SEMA6D: variants seen among roughly 807,000 people sequenced by gnomAD.
The protein encoded by SEMA6D is semaphorin-6D.
A neutral mutation model predicts 106.6 loss-of-function variants in SEMA6D; 35 were observed. The observed-to-expected ratio is 0.33, with a 90% CI of 0.25 to 0.44. The LOEUF (loss-of-function observed/expected upper bound fraction) is 0.44, where lower values mean the gene tolerates loss of function less well. Among genes scored for constraint, SEMA6D ranks in the 20% least tolerant of loss-of-function variants. SEMA6D has a pLI of 1.00. For missense variants in SEMA6D, 1,185 were observed against 1,345.9 expected (o/e 0.88, Z 1.87); for synonymous variants, 499 against 487.7 (o/e 1.02, Z -0.31).
At chr15:47,498,231 A>G (rs752051487) in intron 3 of SEMA6D, among the ~76,000 whole-genome samples, 14 of 152,240 alleles carry the variant, frequency 9.2e-5, no homozygotes, top group Non-Finnish European at 1.8e-4. Context: ...GGATTTCCAC[A>G]ATGTGGTTAT....
At chr15:47,584,339 C>T (rs950780159) in intron 3 of SEMA6D, among the ~76,000 whole-genome samples, 2 of 151,926 alleles carry the variant, frequency 1.3e-5, no homozygotes, top group African/African-American at 4.8e-5. Context: ...AGGATAATCG[C>T]CTGAACCCAG....
chr15:47,191,620 T>G (rs1204868512), intron 1 of SEMA6D, among the ~76,000 whole-genome samples: 1 of 152,072 alleles, frequency 6.6e-6, no homozygotes, highest in Non-Finnish European at 1.5e-5. Context: ...AAATGACTAT[T>G]AAAAAGAAAT....
rs547323317 is a variant in SEMA6D, at chr15:47,759,898, G to A, written c.100G>A (p.Asp34Asn). The A allele has an allele frequency of 8.7e-6, 14 of 1,608,804 alleles. No homozygotes were observed. The South Asian group carries it at 1.1e-4, about 13-fold the overall frequency. ...AGATGATGAACCCCTTAATACTGTC[G>A]ACTATCACTGTAAGTCGTCTCAAGA... ...PEDDEPLNTV[D>N]YHYSRQYPVF... Residue 34 changes from aspartate (D) to asparagine (N), a missense_variant, in exon 2 of 19, where the codon GAC becomes AAC. Asp to Asn is a conservative substitution (Grantham distance 23, BLOSUM62 1). Coordinates refer to ENST00000536845, the MANE Select transcript of SEMA6D (RefSeq NM_001358351.3).
chr15:47,766,271 A>T, intron 15 of SEMA6D, 89 bp downstream of exon 15: 9 of 1,163,490 alleles, frequency 7.7e-6, no homozygotes, highest in South Asian at 7.4e-5. Context: ...CAATTATACT[A>T]CTTTTCTTTT....
intron 1 of SEMA6D, among the ~76,000 whole-genome samples, chr15:47,252,024 C>T (rs56149689): frequency 0.019 from 2,741 of 144,760 alleles, 34 homozygotes; most frequent in Middle Eastern, 0.049. Context: ...CACGCCATTC[C>T]CCTGCCTCAG....
intron 1 of SEMA6D, among the ~76,000 whole-genome samples, chr15:47,282,360 T>A (rs2035164708): frequency 6.6e-6 from 1 of 152,158 alleles, no homozygotes; most frequent in Admixed American, 6.6e-5. Flanking sequence ...ACATTAGGCT[T>A]GTGATATTAA....
At chr15:47,555,091 A>T (rs1206120739) in intron 3 of SEMA6D, among the ~76,000 whole-genome samples, 3 of 152,180 alleles carry the variant, frequency 2.0e-5, no homozygotes, top group Non-Finnish European at 1.5e-5. Context: ...TACCAATCAT[A>T]TGCGTACAAC....
intron 1 of SEMA6D, among the ~76,000 whole-genome samples, chr15:47,365,180 T>C (rs2038967014): frequency 6.6e-6 from 1 of 152,220 alleles, no homozygotes; most frequent in Non-Finnish European, 1.5e-5. Context: ...CTGCTGATCA[T>C]CAGGCCTTAA....
intron 1 of SEMA6D, among the ~76,000 whole-genome samples, chr15:47,234,358 CA>C (rs2032406396): frequency 6.6e-6 from 1 of 151,894 alleles, no homozygotes; most frequent in Non-Finnish European, 1.5e-5. Context: ...TGTATTATTT[CA>C]GTAGCTTTTG....
chr15:47,708,527 AT>A (rs2078956846), intron 4 of SEMA6D, among the ~76,000 whole-genome samples: 2 of 152,128 alleles, frequency 1.3e-5, no homozygotes, highest in South Asian at 4.1e-4. Flanking sequence ...TGGATTTAGT[AT>A]TTACAGTATT....
rs570107091 is a variant in SEMA6D at position 47,530,143 on chromosome 15, C to A, written c.-87+59598C>A. Among the ~76,000 whole-genome samples, 32 of 152,342 alleles carry A rather than the reference C, an allele frequency of 2.1e-4. No individual in the cohort carries two copies. The South Asian group carries it at 6.4e-3, about 31-fold the overall frequency. On this transcript the variant is annotated intron_variant, in intron 3 of 19. Coordinates refer to the SEMA6D transcript ENST00000558014. ...GAAGATGCTCTTTTGATGATCCTCT[C>A]AGGCCCCGACTCACATGGCAGAACA...
intron 1 of SEMA6D, among the ~76,000 whole-genome samples, chr15:47,324,701 A>G (rs2037055755): frequency 6.6e-6 from 1 of 150,566 alleles, no homozygotes; most frequent in Non-Finnish European, 1.5e-5. Context: ...TATTTATACT[A>G]TCTACATATA....
intron 1 of SEMA6D, among the ~76,000 whole-genome samples, chr15:47,379,644 T>C (rs984338191): frequency 6.6e-6 from 1 of 152,220 alleles, no homozygotes; most frequent in African/African-American, 2.4e-5. Flanking sequence ...TTAAATAGGA[T>C]TTTGAAAAAC....
At chr15:47,522,704 G>A (rs2044627171) in intron 3 of SEMA6D, among the ~76,000 whole-genome samples, 1 of 152,208 alleles carries the variant, frequency 6.6e-6, no homozygotes, top group Non-Finnish European at 1.5e-5. Flanking sequence ...TGGCCTTTGT[G>A]TGGTCTCTTT....
chr15:47,415,032 T>C (rs1175103555), intron 2 of SEMA6D, among the ~76,000 whole-genome samples: 2 of 152,190 alleles, frequency 1.3e-5, no homozygotes, highest in African/African-American at 4.8e-5. Context: ...TTTTGGGACT[T>C]CAAATCACTA....
At chr15:47,746,980 G>GTATATATATA (rs752559574) in intron 1 of SEMA6D, among the ~76,000 whole-genome samples, 2,387 of 116,552 alleles carry the variant, frequency 0.02, 39 homozygotes, top group Non-Finnish European at 0.026. Context: ...CTGTGTGTGT[G>GTATATATATA]TGTGTATATA....
At chr15:47,598,077 A>G (rs1377221786) in intron 3 of SEMA6D, among the ~76,000 whole-genome samples, 1 of 152,002 alleles carries the variant, frequency 6.6e-6, no homozygotes, top group Non-Finnish European at 1.5e-5. Flanking sequence ...AATATTGTGC[A>G]CTAAGAATCT....
rs557891377 is a variant in SEMA6D, at chr15:47,267,778, G to T, written c.-239+83360G>T. On this transcript the variant is annotated intron_variant, in intron 1 of 19. Transcript: ENST00000558014. Reference sequence around the variant, plus strand: ...TTTACTCCATTCAAATTCTTATTAAGTTCTAGAGCACATAGCACTTTTCCA... The same window carrying T: ...TTTACTCCATTCAAATTCTTATTAATTTCTAGAGCACATAGCACTTTTCCA... Among the ~76,000 whole-genome samples, 86 of 151,934 alleles carry T rather than the reference G, an allele frequency of 5.7e-4. 1 individual carries two copies. The highest frequency in any genetic ancestry group is 1.8e-3 in the Admixed American group (27 of 15,216).
At chr15:47,550,835 A>G (rs1160923081) in intron 3 of SEMA6D, among the ~76,000 whole-genome samples, 2 of 152,190 alleles carry the variant, frequency 1.3e-5, no homozygotes, top group African/African-American at 4.8e-5. Flanking sequence ...CAAGGAGCTC[A>G]CAACTTGTGA....
Sources: allele counts gnomAD v4.1 joint callset (sites outside exome capture counted in the v4.1 genomes callset), GRCh38; gene constraint gnomAD v4.1.1; transcripts MANE v1.5; gene names NCBI Gene and HGNC (gene_info 2026-07-23, HGNC 2026-07-21).